The following HERC3 variants were observed in gnomAD, a reference collection of about 807,000 sequenced individuals.
The protein encoded by HERC3 is HECT and RLD domain containing E3 ubiquitin protein ligase 3, also known as probable E3 ubiquitin-protein ligase HERC3.
Under a neutral mutation model 129.9 loss-of-function variants are expected in HERC3, and 58 were observed. That is an observed-to-expected ratio of 0.45 (90% confidence interval 0.36 to 0.56). The LOEUF is 0.56. Among genes scored for constraint, HERC3 ranks in the 20% least tolerant of loss-of-function variants. The pLI, the probability that HERC3 is intolerant of heterozygous loss-of-function variation, is 0.00. For missense variants in HERC3, 835 were observed against 1,244.2 expected (o/e 0.67, Z 4.95); for synonymous variants, 430 against 451.0 (o/e 0.95, Z 0.59).
intron 3 of HERC3, among the ~76,000 whole-genome samples, chr4:88,619,936 A>C (rs969102364): frequency 1.3e-5 from 2 of 152,202 alleles, no homozygotes; most frequent in Non-Finnish European, 2.9e-5. Flanking sequence ...GTGATCACTC[A>C]TGTAGGAAAA....
Position 88,654,130 on chromosome 4 carries a change from A to C in HERC3, c.774A>C (p.Thr258=), listed in dbSNP as rs1373101634. ...SCGEEHTAVL[T]KSGGVFTFGA... ...GAGAAGAACACACAGCAGTTCTCACAAAGGTAAGGAGCTCAGAGTATTTTA... is the reference window on the plus strand; with the variant it reads ...GAGAAGAACACACAGCAGTTCTCACCAAGGTAAGGAGCTCAGAGTATTTTA... The change falls in exon 7 of 26, where the codon ACA becomes ACC. Residue 258 remains threonine (T), a synonymous_variant. Transcript: ENST00000402738. 6.2e-7 allele frequency: 1 copy of C among 1,609,192 alleles called. No homozygotes were observed. The highest frequency in any genetic ancestry group is 8.5e-7 in the Non-Finnish European group (1 of 1,175,944).
At chr4:88,572,136 C>A in the HERC3 span, among the ~76,000 whole-genome samples, 1 of 152,146 alleles carries the variant, frequency 6.6e-6, no homozygotes, top group Admixed American at 6.5e-5. Flanking sequence ...CAGAAGAAAC[C>A]AACCTTGCTG....
chr4:88,576,707 T>A, the HERC3 span, among the ~76,000 whole-genome samples: 1 of 152,180 alleles, frequency 6.6e-6, no homozygotes, highest in Non-Finnish European at 1.5e-5. Context: ...TTTTTTTGGA[T>A]CATTTCTTCA....
chr4:88,615,149 G>A (rs542126786), intron 3 of HERC3, among the ~76,000 whole-genome samples: 1 of 152,252 alleles, frequency 6.6e-6, no homozygotes, highest in South Asian at 2.1e-4. Context: ...AGCGATTTTT[G>A]TAAATCCACC....
chr4:88,593,112 C>G (rs1374923243), intron 1 of HERC3: 2 of 152,128 alleles, frequency 1.3e-5, no homozygotes, highest in Non-Finnish European at 2.9e-5. Context: ...GCGCCGAGGA[C>G]GCGGTGCACG....
intron 3 of HERC3, among the ~76,000 whole-genome samples, chr4:88,636,910 C>T (rs13434976): frequency 0.09 from 13,609 of 151,762 alleles, 892 homozygotes; most frequent in South Asian, 0.23. Context: ...CCGAGGTGGG[C>T]GGATTGCCTG....
chr4:88,686,433 G>A (rs1182480181), intron 21 of HERC3, among the ~76,000 whole-genome samples: 1 of 152,136 alleles, frequency 6.6e-6, no homozygotes, highest in Non-Finnish European at 1.5e-5. Flanking sequence ...ACACTTGCAA[G>A]CTACACCAGA....
chr4:88,590,585 C>CA (rs1721648439), upstream of HERC3, among the ~76,000 whole-genome samples: 1 of 152,052 alleles, frequency 6.6e-6, no homozygotes. Flanking sequence ...AAAACAACAA[C>CA]AAAAAAAGAA....
Position 88,605,982 on chromosome 4 carries a change from G to A in HERC3, c.159G>A (p.Gly53=). ...ACTCTGTGTTCCTGCTGGAAGATGG[G>A]GAAGTTTACACATGTGGTTTGAACA... The part of the protein sequence containing the change: ...GNHSVFLLED[G]EVYTCGLNTK... The change falls in exon 3 of 26, where the codon GGG becomes GGA. Residue 53 remains glycine (G), a synonymous_variant. Coordinates refer to ENST00000402738, the MANE Select transcript of HERC3 (RefSeq NM_014606.3). 1 of 1,614,174 alleles carries A rather than the reference G, an allele frequency of 6.2e-7. No individual in the cohort carries two copies. The highest frequency in any genetic ancestry group is 1.1e-5 in the South Asian group (1 of 91,078).
intron 3 of HERC3, among the ~76,000 whole-genome samples, chr4:88,625,818 G>A (rs1452163664): frequency 6.6e-6 from 1 of 151,578 alleles, no homozygotes; most frequent in Non-Finnish European, 1.5e-5. Context: ...AGTTGAGGAA[G>A]TTTCCTGATA....
At chr4:88,664,005 A>T (rs1730786732) in intron 11 of HERC3, 148 bp from the exon 12 acceptor site, 11 of 546,882 alleles carry the variant, frequency 2.0e-5, no homozygotes. Context: ...GTTTTTCTAA[A>T]GCAAATGTAC....
chr4:88,552,448 T>G, the HERC3 span, among the ~76,000 whole-genome samples: 1 of 152,104 alleles, frequency 6.6e-6, no homozygotes, highest in Non-Finnish European at 1.5e-5. Context: ...AGACAGGGTT[T>G]CACTAGGTTA....
chr4:88,704,459 A>G (rs750522080), intron 24 of HERC3, 49 bp from the exon 25 acceptor site: 56 of 1,342,614 alleles, frequency 4.2e-5, no homozygotes, highest in Non-Finnish European at 5.6e-5. Flanking sequence ...AATGTCCACT[A>G]TAATATTCTT....
At chr4:88,676,755 CAA>C (rs549004679) in intron 18 of HERC3, among the ~76,000 whole-genome samples, 138 of 152,216 alleles carry the variant, frequency 9.1e-4, no homozygotes, top group Middle Eastern at 3.4e-3. Context: ...TATATTCCAA[CAA>C]AACTTTATGT....
At chr4:88,532,916 T>TA in the HERC3 span, among the ~76,000 whole-genome samples, 1 of 152,186 alleles carries the variant, frequency 6.6e-6, no homozygotes, top group Non-Finnish European at 1.5e-5. Context: ...GGGACAGAAC[T>TA]AATAGGATAG....
chr4:88,668,082 G>GTGAATT lies in HERC3; in HGVS notation c.1633+4_1633+9dup. 1 of 1,610,860 alleles carries GTGAATT rather than the reference G, an allele frequency of 6.2e-7. No homozygotes were observed. The highest frequency in any genetic ancestry group is 8.5e-7 in the Non-Finnish European group (1 of 1,177,748). ...GATACAAACCCCAGCAAAGTACTAG[G>GTGAATT]TGAATTTGCTAACCTCGATATCAGT... On this transcript the variant is annotated splice_donor_variant, in intron 14 of 25. Coordinates refer to ENST00000402738, the MANE Select transcript of HERC3 (RefSeq NM_014606.3). LOFTEE classifies it high-confidence loss of function.
chr4:88,577,605 G>GTGTATATATATATATATATATATATA, the HERC3 span, among the ~76,000 whole-genome samples: 2 of 131,836 alleles, frequency 1.5e-5, no homozygotes, highest in Admixed American at 7.0e-5. Flanking sequence ...GTATGTGTGT[G>GTGTATATATATATATATATATATATA]TATATATATA....
chr4:88,527,919 C>T, the HERC3 span: 1 of 271,096 alleles, frequency 3.7e-6, no homozygotes, highest in Non-Finnish European at 7.4e-6. Flanking sequence ...TGTGGGACTC[C>T]ATCCAGTCAT....
chr4:88,569,668 G>A, the HERC3 span, among the ~76,000 whole-genome samples: 10 of 152,244 alleles, frequency 6.6e-5, no homozygotes, highest in Non-Finnish European at 1.2e-4. Context: ...ATATATCCAC[G>A]TACCCATGAA....
Sources: allele counts gnomAD v4.1 joint callset (sites outside exome capture counted in the v4.1 genomes callset), GRCh38; gene constraint gnomAD v4.1.1; transcripts MANE v1.5; gene names NCBI Gene and HGNC (gene_info 2026-07-23, HGNC 2026-07-21).